PGCKA1: variants seen among roughly 807,000 people sequenced by gnomAD.
PGCKA1 encodes PDCD10 and GCKIII kinases-associated protein 1.
chr4:37,541,416 G>C, the PGCKA1 span, among the ~76,000 whole-genome samples: 1 of 152,164 alleles, frequency 6.6e-6, no homozygotes, highest in African/African-American at 2.4e-5. Flanking sequence ...CTTCCTATTA[G>C]AGGTACTTAA....
the PGCKA1 span, among the ~76,000 whole-genome samples, chr4:37,469,409 A>C: frequency 0.42 from 63,372 of 152,082 alleles, 14,031 homozygotes; most frequent in Non-Finnish European, 0.49. Context: ...TTGAATACCA[A>C]CTTCACATAG....
chr4:37,522,655 G>A, the PGCKA1 span, among the ~76,000 whole-genome samples: 103 of 152,060 alleles, frequency 6.8e-4, 1 homozygote, highest in African/African-American at 2.3e-3. Flanking sequence ...TATCACTACT[G>A]ATCATTCAGG....
the PGCKA1 span, among the ~76,000 whole-genome samples, chr4:37,454,655 CTGTT>C: frequency 6.6e-6 from 1 of 152,180 alleles, no homozygotes; most frequent in Non-Finnish European, 1.5e-5. Context: ...TAGTCACAAA[CTGTT>C]TGCTAAATAT....
the PGCKA1 span, among the ~76,000 whole-genome samples, chr4:37,529,344 C>T: frequency 3.3e-5 from 5 of 152,106 alleles, no homozygotes; most frequent in Non-Finnish European, 5.9e-5. Flanking sequence ...CTTTAAGACT[C>T]GTATGTATTT....
At chr4:37,485,381 G>T in the PGCKA1 span, among the ~76,000 whole-genome samples, 2 of 152,086 alleles carry the variant, frequency 1.3e-5, no homozygotes, top group Non-Finnish European at 2.9e-5. Context: ...TTGGGAGTGG[G>T]TTCGTTATCT....
chr4:37,545,133 G>A, the PGCKA1 span, among the ~76,000 whole-genome samples: 1 of 152,136 alleles, frequency 6.6e-6, no homozygotes, highest in Non-Finnish European at 1.5e-5. Context: ...TGGGATTATA[G>A]GCCTGAGCCA....
the PGCKA1 span, chr4:37,460,546 G>T: frequency 4.4e-6 from 2 of 453,108 alleles, no homozygotes; most frequent in Non-Finnish European, 8.9e-6. Flanking sequence ...GGTATGCTGT[G>T]GAATCTCATT....
At chr4:37,544,075 T>G in the PGCKA1 span, among the ~76,000 whole-genome samples, 2 of 152,216 alleles carry the variant, frequency 1.3e-5, no homozygotes, top group African/African-American at 2.4e-5. Flanking sequence ...AGAAAAGATA[T>G]ATGGATGATA....
the PGCKA1 span, among the ~76,000 whole-genome samples, chr4:37,469,996 A>C: frequency 6.6e-6 from 1 of 152,354 alleles, no homozygotes; most frequent in Middle Eastern, 3.4e-3. Flanking sequence ...TTGTATGCAT[A>C]AACATTGGGA....
At chr4:37,460,688 CT>C in the PGCKA1 span, 1 of 395,898 alleles carries the variant, frequency 2.5e-6, no homozygotes. Flanking sequence ...GTTGTTTGGT[CT>C]TTTTCTTGTA....
the PGCKA1 span, among the ~76,000 whole-genome samples, chr4:37,470,355 A>G: frequency 0.42 from 63,334 of 152,016 alleles, 14,015 homozygotes; most frequent in Non-Finnish European, 0.49. Flanking sequence ...GCCAAAGGAT[A>G]AAAGGGTGCT....
At chr4:37,501,191 TGGTTGCTTTATA>T in the PGCKA1 span, among the ~76,000 whole-genome samples, 1 of 151,994 alleles carries the variant, frequency 6.6e-6, no homozygotes, top group Non-Finnish European at 1.5e-5. Context: ...TTTGTTTGTG[TGGTTGCTTTATA>T]GCAGGGGTCC....
At chr4:37,493,869 T>TC in the PGCKA1 span, among the ~76,000 whole-genome samples, 1 of 152,278 alleles carries the variant, frequency 6.6e-6, no homozygotes, top group Non-Finnish European at 1.5e-5. Context: ...AAAATAATGA[T>TC]CTCCAGTTCC....
chr4:37,461,296 T>C, the PGCKA1 span, among the ~76,000 whole-genome samples: 8 of 152,212 alleles, frequency 5.3e-5, no homozygotes, highest in African/African-American at 1.9e-4. Context: ...CTTGGCTGTA[T>C]GGACTCTTTT....
chr4:37,544,763 T>C, the PGCKA1 span, among the ~76,000 whole-genome samples: 1 of 152,008 alleles, frequency 6.6e-6, no homozygotes. Flanking sequence ...TTTTTGTTTG[T>C]TTGTTGTTTT....
chr4:37,533,058 C>CACTTTGGGGACCTGGGGGGAACAG, the PGCKA1 span, among the ~76,000 whole-genome samples: 1 of 151,636 alleles, frequency 6.6e-6, no homozygotes. Context: ...CACAAATCAT[C>CACTTTGGGGACCTGGGGGGAACAG]TGGTATGTAA....
the PGCKA1 span, among the ~76,000 whole-genome samples, chr4:37,564,288 A>G: frequency 7.9e-6 from 1 of 126,136 alleles, no homozygotes; most frequent in Non-Finnish European, 1.6e-5. Flanking sequence ...AAAAAAAAAA[A>G]AAGAAAGAAA....
the PGCKA1 span, among the ~76,000 whole-genome samples, chr4:37,468,038 T>C: frequency 6.6e-6 from 1 of 152,196 alleles, no homozygotes; most frequent in South Asian, 2.1e-4. Flanking sequence ...GAAATGAACT[T>C]TGGGTTCAGG....
At chr4:37,456,481 G>T in the PGCKA1 span, among the ~76,000 whole-genome samples, 1 of 152,224 alleles carries the variant, frequency 6.6e-6, no homozygotes, top group African/African-American at 2.4e-5. Flanking sequence ...CTGACTCAGT[G>T]TTGTCAGGCA....
Sources: gnomAD v4.1 joint callset for allele counts (sites outside exome capture counted in the v4.1 genomes callset) on GRCh38, gnomAD v4.1.1 for gene constraint, MANE v1.5 for transcripts, NCBI Gene and HGNC (gene_info 2026-07-23, HGNC 2026-07-21) for gene names.